FN3K: variants seen among roughly 807,000 people sequenced by gnomAD.
The protein encoded by FN3K is fructosamine 3 kinase.
A neutral mutation model predicts 24.8 loss-of-function variants in FN3K; 24 were observed. The observed-to-expected ratio is 0.97, with a 90% CI of 0.70 to 1.36. FN3K has a LOEUF of 1.36. FN3K is among the 40% of genes most tolerant of loss of function. FN3K has a pLI of 0.00. For synonymous variants in FN3K, 192 were observed against 175.2 expected (o/e 1.10, Z -0.76); for missense variants, 449 against 416.7 (o/e 1.08, Z -0.67).
At chr17:82,747,322 C>T (rs193037666) in intron 4 of FN3K, among the ~76,000 whole-genome samples, 7 of 152,304 alleles carry the variant, frequency 4.6e-5, no homozygotes, top group Non-Finnish European at 5.9e-5. Context: ...TCCCTTTAGA[C>T]ATCTTTCTTA....
rs1208218204 is a variant in FN3K at position 82,735,680 on chromosome 17, G to C, written c.44G>C (p.Arg15Pro). The stretch of plus-strand genomic sequence containing the variant: ...GCCGAGCTGCGCACCGCGACCCTGC[G>C]GGCCTTCGGCGGCCCCGGCGCCGGC... ...LRAELRTATLRAFGGPGAGCI... is the reference protein window; with the variant it reads ...LRAELRTATLPAFGGPGAGCI... The change falls in exon 1 of 6, where the codon CGG becomes CCG. Residue 15 changes from arginine (R) to proline (P), a missense_variant. By Grantham distance (103) the Arg-to-Pro change is moderately radical. Transcript: ENST00000300784. The C allele has an allele frequency of 1.3e-6, 2 of 1,540,770 alleles. No individual in the cohort carries two copies. Among genetic ancestry groups the C allele is most frequent in the African/African-American group, 1.4e-5 (1 of 72,586 alleles).
At chr17:82,735,805 C>G (rs758284938) in intron 1 of FN3K, 28 bp downstream of exon 1, 1 of 1,543,358 alleles carries the variant, frequency 6.5e-7, no homozygotes, top group Non-Finnish European at 8.7e-7. Context: ...GGCGGGGGCT[C>G]TGCGGGTCTC....
chr17:82,738,949 T>A (rs1426552738), intron 2 of FN3K, among the ~76,000 whole-genome samples: 2,657 of 57,726 alleles, frequency 0.046, 187 homozygotes, highest in African/African-American at 0.082. Flanking sequence ...TATATATATT[T>A]TTTTTTTTTT....
At chr17:82,739,147 C>T (rs1394224903) in intron 2 of FN3K, among the ~76,000 whole-genome samples, 1 of 151,406 alleles carries the variant, frequency 6.6e-6, no homozygotes, top group African/African-American at 2.4e-5. Context: ...GGGGTTTCAC[C>T]ATGTTGGCTG....
intron 4 of FN3K, chr17:82,742,616 C>G (rs2046946875): frequency 9.2e-6 from 4 of 433,146 alleles, no homozygotes; most frequent in Non-Finnish European, 1.4e-5. Context: ...TTACATATTC[C>G]TTTTTATGGC....
At chr17:82,742,886 C>G (rs2143645875) in intron 4 of FN3K, 1 of 359,238 alleles carries the variant, frequency 2.8e-6, no homozygotes, top group Middle Eastern at 3.8e-4. Flanking sequence ...TGACCAAGCT[C>G]TCCCTGGTGT....
rs2143661135 is a variant in FN3K, at chr17:82,750,722, T to C, written c.897T>C (p.Pro299=). The change falls in exon 6 of 6, where the codon CCT becomes CCC. Residue 299 remains proline (P), a synonymous_variant. Coordinates refer to ENST00000300784, the MANE Select transcript of FN3K (RefSeq NM_022158.4). Reference sequence around the variant, plus strand: ...ACTTCGGGCGGGAGTACAGGAGCCCTTCCTTGGGCACCATGCGAAGGCTGC... The same window carrying C: ...ACTTCGGGCGGGAGTACAGGAGCCCCTCCTTGGGCACCATGCGAAGGCTGC... ...WNHFGREYRS[P]SLGTMRRLLK is the part of the protein sequence containing the mutation. 6.2e-7 allele frequency: 1 copy of C among 1,613,530 alleles called. No individual in the cohort carries two copies.
Position 82,750,932 on chromosome 17 carries a change from CCATCCCT to C in FN3K, c.*178_*184del, listed in dbSNP as rs1160253402. 1.5e-5 allele frequency: 5 copies of C among 332,662 alleles called. No homozygotes were observed. The highest frequency in any genetic ancestry group is 1.3e-4 in the African/African-American group (2 of 15,550). 20.6% of individuals were successfully genotyped at this position (332,662 alleles called of 1,614,324 possible). On this transcript the variant is annotated 3_prime_UTR_variant, in exon 6 of 6. Transcript: ENST00000300784. ...TCCCCGTCCCCCCGTCCCCGTCCCT[CCATCCCT>C]GTCCCCCGTCCCCCTGTCCCCCTGT...
chr17:82,750,614 C>A lies in FN3K; in HGVS notation c.789C>A (p.Tyr263Ter). ...TCCCCAGATCCTTCTTCACCGCCTA[C>A]CACCGGAAGATCCCCAAGGCTCCGG... ...GGFPRSFFTA[Y>*]HRKIPKAPGF... Residue 263 changes from tyrosine to a stop codon, truncating the protein, a stop_gained, in exon 6 of 6, where the codon TAC becomes TAA. Transcript: ENST00000300784. LOFTEE classifies it low-confidence loss of function (END_TRUNC). 6.2e-7 allele frequency: 1 copy of A among 1,614,152 alleles called. No individual in the cohort carries two copies. Among genetic ancestry groups the A allele is most frequent in the Non-Finnish European group, 8.5e-7 (1 of 1,180,024 alleles).
At chr17:82,747,704 A>G (rs1406853717) in intron 4 of FN3K, among the ~76,000 whole-genome samples, 1 of 152,056 alleles carries the variant, frequency 6.6e-6, no homozygotes, top group Non-Finnish European at 1.5e-5. Flanking sequence ...TGGCCTTCCT[A>G]TTGATTTCTA....
At chr17:82,747,113 G>A (rs1207429990) in intron 4 of FN3K, among the ~76,000 whole-genome samples, 3 of 151,314 alleles carry the variant, frequency 2.0e-5, no homozygotes, top group Admixed American at 6.6e-5. Context: ...GTGAGCCACC[G>A]CGCCTGGCCT....
intron 4 of FN3K, among the ~76,000 whole-genome samples, chr17:82,744,496 A>T (rs189701710): frequency 1.3e-5 from 2 of 152,320 alleles, no homozygotes; most frequent in East Asian, 3.9e-4. Flanking sequence ...TAATATAAAT[A>T]GAATCATGTG....
At chr17:82,749,109 G>T (rs1048887548) in intron 5 of FN3K, 132 bp downstream of exon 5, 99 of 1,417,954 alleles carry the variant, frequency 7.0e-5, no homozygotes, top group Non-Finnish European at 8.7e-5. Context: ...AGGGAGGAAG[G>T]GGGGCAGGGG....
At chr17:82,739,307 A>T (rs200520421) in intron 2 of FN3K, among the ~76,000 whole-genome samples, 1 of 151,354 alleles carries the variant, frequency 6.6e-6, no homozygotes, top group African/African-American at 2.4e-5. Context: ...TTATTTTTCC[A>T]AGACAGAGTC....
At chr17:82,747,013 T>C (rs1384086742) in intron 4 of FN3K, among the ~76,000 whole-genome samples, 3 of 151,990 alleles carry the variant, frequency 2.0e-5, no homozygotes, top group African/African-American at 4.8e-5. Flanking sequence ...TTAGTAGAGA[T>C]AGAGTTTCAC....
At chr17:82,742,879 C>G in intron 4 of FN3K, 3 of 361,054 alleles carry the variant, frequency 8.3e-6, no homozygotes, top group South Asian at 4.2e-5. Context: ...CGAACAATGA[C>G]CAAGCTCTCC....
chr17:82,740,638 C>T, intron 2 of FN3K, 125 bp from the exon 3 acceptor site: 1 of 708,802 alleles, frequency 1.4e-6, no homozygotes, highest in East Asian at 3.0e-5. Context: ...CTGGTGTTCA[C>T]TTTTTACTGT....
At chr17:82,737,653 A>G (rs1039520957) in intron 1 of FN3K, 1 of 152,186 alleles carries the variant, frequency 6.6e-6, no homozygotes, top group African/African-American at 2.4e-5. Context: ...AAATACAGAA[A>G]AACACAGCGG....
intron 2 of FN3K, among the ~76,000 whole-genome samples, chr17:82,739,886 TCTTTTG>T (rs925615667): frequency 4.6e-5 from 7 of 151,576 alleles, no homozygotes; most frequent in Non-Finnish European, 1.5e-5. Flanking sequence ...TCCATCTTTT[TCTTTTG>T]CTTTTTCTTT....
Sources: gnomAD v4.1 joint callset for allele counts (sites outside exome capture counted in the v4.1 genomes callset) on GRCh38, gnomAD v4.1.1 for gene constraint, MANE v1.5 for transcripts, NCBI Gene and HGNC (gene_info 2026-07-23, HGNC 2026-07-21) for gene names.